HIPK2: variants seen among roughly 807,000 people sequenced by gnomAD.
HIPK2 encodes homeodomain-interacting protein kinase 2.
HIPK2 carries 27 observed loss-of-function variants against 113.7 expected under a neutral mutation model. That is an observed-to-expected ratio of 0.24 (90% CI 0.17 to 0.33). HIPK2 has a LOEUF of 0.33. Among genes scored for constraint, HIPK2 ranks in the 10% least tolerant of loss-of-function variants. HIPK2 has a pLI of 1.00. For missense variants in HIPK2, 1,257 were observed against 1,588.0 expected (o/e 0.79, Z 3.54); for synonymous variants, 631 against 642.2 (o/e 0.98, Z 0.26).
intron 6 of HIPK2, among the ~76,000 whole-genome samples, chr7:139,623,330 G>A (rs6954010): frequency 0.17 from 25,651 of 151,846 alleles, 2,854 homozygotes; most frequent in African/African-American, 0.32. Flanking sequence ...GGCCAACATG[G>A]GGAAACCCTG....
chr7:139,729,627 T>C (rs1259508273), intron 1 of HIPK2, among the ~76,000 whole-genome samples: 3 of 152,162 alleles, frequency 2.0e-5, no homozygotes, highest in African/African-American at 7.2e-5. Context: ...CTGCATTTTC[T>C]TTCCAATGGA....
chr7:139,746,806 C>T (rs1204000059), intron 1 of HIPK2, among the ~76,000 whole-genome samples: 2 of 152,220 alleles, frequency 1.3e-5, no homozygotes, highest in Non-Finnish European at 2.9e-5. Flanking sequence ...TATCCCTTCA[C>T]TGTTCAGAGT....
At chr7:139,575,012 G>C in intron 14 of HIPK2, 116 bp downstream of exon 14, 1 of 1,345,658 alleles carries the variant, frequency 7.4e-7, no homozygotes, top group Middle Eastern at 2.7e-4. Flanking sequence ...GCCACCCGTG[G>C]CCAGGACTGC....
Position 139,668,570 on chromosome 7 carries a change from C to CAA in HIPK2, c.1104-36847_1104-36846dup, listed in dbSNP as rs554785662. On this transcript the variant is annotated intron_variant, in intron 2 of 14. Coordinates refer to ENST00000406875, the MANE Select transcript of HIPK2 (RefSeq NM_022740.5). Reference sequence around the variant, plus strand: ...TGGGTGACAGAGCAAGGCTCTGTCTCAAAAAAAAAAAAAAAGGTATGATTT... The same window carrying CAA: ...TGGGTGACAGAGCAAGGCTCTGTCTCAAAAAAAAAAAAAAAAAGGTATGATTT... 5.3e-4 allele frequency among the ~76,000 whole-genome samples: 55 copies of CAA among 102,854 alleles called. 1 individual carries two copies. The highest frequency in any genetic ancestry group is 3.4e-3 in the South Asian group (12 of 3,514). 67.5% of individuals were successfully genotyped at this position (102,854 alleles called of 152,430 possible). A position where few individuals can be genotyped will look rare whatever the true frequency, so the allele number is the denominator to read the frequency against.
intron 2 of HIPK2, among the ~76,000 whole-genome samples, chr7:139,711,822 G>A (rs1373073752): frequency 2.6e-5 from 4 of 152,204 alleles, no homozygotes; most frequent in Admixed American, 6.5e-5. Context: ...GGGCAGGGGC[G>A]CCCAAGGTGA....
At chr7:139,668,966 A>G (rs188601603) in intron 2 of HIPK2, among the ~76,000 whole-genome samples, 66 of 152,052 alleles carry the variant, frequency 4.3e-4, no homozygotes, top group African/African-American at 1.4e-3. Context: ...AATAACCATG[A>G]AAGAATTCAC....
chr7:139,597,016 C>T lies in HIPK2; in HGVS notation c.2436-18G>A. 6.3e-7 allele frequency: 1 copy of T among 1,576,680 alleles called. No individual in the cohort carries two copies. Among genetic ancestry groups the T allele is most frequent in the South Asian group, 1.1e-5 (1 of 88,458 alleles). The stretch of plus-strand genomic sequence containing the variant: ...AGACATTTCTGTAATGAGAAAACCA[C>T]ACTCTCACACAGAGGAAGGTCAGGC... On this transcript the variant is annotated intron_variant, in intron 11 of 14. Coordinates refer to ENST00000406875, the MANE Select transcript of HIPK2 (RefSeq NM_022740.5).
chr7:139,602,695 C>A (rs565821259), intron 10 of HIPK2, among the ~76,000 whole-genome samples: 3 of 151,460 alleles, frequency 2.0e-5, no homozygotes, highest in African/African-American at 7.3e-5. Flanking sequence ...GGAGGAAAGG[C>A]AATCTTGCTG....
intron 2 of HIPK2, among the ~76,000 whole-genome samples, chr7:139,679,820 C>G (rs1169959650): frequency 6.6e-6 from 1 of 152,092 alleles, no homozygotes; most frequent in Non-Finnish European, 1.5e-5. Flanking sequence ...TAAAGAAACT[C>G]AAACATTGAC....
At chr7:139,628,859 G>A (rs1800516212) in intron 5 of HIPK2, 94 bp downstream of exon 5, 7 of 1,074,414 alleles carry the variant, frequency 6.5e-6, no homozygotes. Context: ...TGAATAATGT[G>A]GATTTCAACC....
chr7:139,693,234 T>C (rs1449412768), intron 2 of HIPK2, among the ~76,000 whole-genome samples: 1 of 152,230 alleles, frequency 6.6e-6, no homozygotes, highest in Non-Finnish European at 1.5e-5. Context: ...AGAAAATGCA[T>C]GTAAAATTCC....
At chr7:139,774,386 A>T (rs1796704325) in intron 1 of HIPK2, among the ~76,000 whole-genome samples, 2 of 152,234 alleles carry the variant, frequency 1.3e-5, no homozygotes, top group Non-Finnish European at 2.9e-5. Flanking sequence ...TCTGAAATCA[A>T]GGATAAAATT....
chr7:139,724,814 G>C (rs1448971363), intron 1 of HIPK2, among the ~76,000 whole-genome samples: 2 of 151,494 alleles, frequency 1.3e-5, no homozygotes, highest in Non-Finnish European at 2.9e-5. Context: ...AGTCTACTGA[G>C]AATGATGATT....
At chr7:139,638,648 A>G (rs1172448258) in intron 2 of HIPK2, among the ~76,000 whole-genome samples, 2 of 149,980 alleles carry the variant, frequency 1.3e-5, no homozygotes, top group Non-Finnish European at 2.9e-5. Flanking sequence ...AAGAGAGTAA[A>G]TAATTGTCTT....
rs563251055 is a variant in HIPK2, at chr7:139,631,647, C to T, written c.1182G>A (p.Leu394=). The change falls in exon 3 of 15, where the codon TTG becomes TTA. Residue 394 remains leucine, a synonymous_variant. Transcript: ENST00000406875. This position sits in a 1 kb window ranked among gnomAD's most constrained non-coding sequence, Gnocchi z 4.9. ...CTGGATATAACGGCCAACCCAGGAA[C>T]AATTCTGCAATAACACAGCCCAGGG... ...MWSLGCVIAE[L]FLGWPLYPGA... The T allele has an allele frequency of 1.2e-6, 2 of 1,614,024 alleles. No individual in the cohort carries two copies. Among genetic ancestry groups the T allele is most frequent in the African/African-American group, 1.3e-5 (1 of 75,048 alleles).
intron 2 of HIPK2, among the ~76,000 whole-genome samples, chr7:139,659,062 G>A (rs1299781311): frequency 1.5e-5 from 2 of 135,552 alleles, no homozygotes; most frequent in East Asian, 1.9e-4. Flanking sequence ...TGAGGCCGAC[G>A]GCATGTGGTA....
intron 2 of HIPK2, among the ~76,000 whole-genome samples, chr7:139,657,027 C>G (rs527985495): frequency 6.6e-6 from 1 of 152,174 alleles, no homozygotes; most frequent in Non-Finnish European, 1.5e-5. Flanking sequence ...TGCACCATCA[C>G]GCCTGGCTAA....
intron 2 of HIPK2, among the ~76,000 whole-genome samples, chr7:139,709,973 G>C (rs1387757429): frequency 6.6e-6 from 1 of 152,160 alleles, no homozygotes; most frequent in Non-Finnish European, 1.5e-5. Flanking sequence ...ACTATCGGGG[G>C]GTAGAACCCC....
intron 1 of HIPK2, among the ~76,000 whole-genome samples, chr7:139,773,197 G>A (rs572543487): frequency 2.0e-5 from 3 of 152,292 alleles, no homozygotes; most frequent in East Asian, 1.9e-4. Flanking sequence ...GGTGAAGGGC[G>A]CAGGGCGGTG....
Sources: allele counts gnomAD v4.1 joint callset (sites outside exome capture counted in the v4.1 genomes callset), GRCh38; gene constraint gnomAD v4.1.1; non-coding constraint Gnocchi (gnomAD v3.1); transcripts MANE v1.5; gene names NCBI Gene and HGNC (gene_info 2026-07-23, HGNC 2026-07-21).